Variants in PSMA6 observed in about 807,000 individuals in gnomAD.
PSMA6 encodes the protein proteasome 20S subunit alpha 6, also known as proteasome subunit alpha type-6.
For missense variants in PSMA6, 170 were observed against 294.8 expected, an observed-to-expected ratio of 0.58 and a Z score of 3.10; for synonymous variants, 88 against 97.7, an observed-to-expected ratio of 0.90 and a Z score of 0.59.
intron 5 of PSMA6, chr14:35,314,134 A>G (rs1349951722): frequency 7.2e-6 from 2 of 276,292 alleles, no homozygotes; most frequent in Non-Finnish European, 1.3e-5. Context: ...TTTTGTATAA[A>G]TCATCCTATT....
chr14:35,298,434 G>A (rs2138725127), intron 1 of PSMA6, among the ~76,000 whole-genome samples: 1 of 151,960 alleles, frequency 6.6e-6, no homozygotes, highest in African/African-American at 2.4e-5. Flanking sequence ...AGGTTGTAGT[G>A]AGCTGAGATC....
At chr14:35,291,823 CAAAAAAAAAA>C (rs113987343), upstream of PSMA6, among the ~76,000 whole-genome samples, 245 of 47,738 alleles carry the variant, frequency 5.1e-3, no homozygotes, top group Non-Finnish European at 8.9e-3. Context: ...AACTCTGTCT[CAAAAAAAAAA>C]AAAAAAAAAA....
At chr14:35,316,284 G>A (rs925244109) in intron 6 of PSMA6, 1 of 151,768 alleles carries the variant, frequency 6.6e-6, no homozygotes, top group African/African-American at 2.4e-5. Flanking sequence ...TGCTTGGGAG[G>A]CTGAGGCAGG....
intron 1 of PSMA6, among the ~76,000 whole-genome samples, chr14:35,305,593 G>A (rs112709252): frequency 4.6e-5 from 7 of 152,346 alleles, no homozygotes; most frequent in Admixed American, 2.0e-4. Flanking sequence ...TTAGCTGGTC[G>A]TCATCACCTG....
intron 1 of PSMA6, among the ~76,000 whole-genome samples, chr14:35,297,744 CTGT>C (rs1407220637): frequency 1.2e-4 from 19 of 152,278 alleles, no homozygotes; most frequent in African/African-American, 4.6e-4. Flanking sequence ...TATATCTCTG[CTGT>C]TGTTCTCACA....
chr14:35,311,939 A>T lies in PSMA6; in HGVS notation c.410-942A>T, dbSNP rs74043873. Among the ~76,000 whole-genome samples, 177 of 151,550 alleles carry T rather than the reference A, an allele frequency of 1.2e-3. 1 individual carries two copies. Among genetic ancestry groups the T allele is most frequent in the African/African-American group, 3.3e-3 (137 of 41,376 alleles). ...GAACCTTAATAGGTATTTCTATTTT[A>T]AAAAAAAAGTATTTCTTGGTCAAAC... On this transcript the variant is annotated intron_variant, in intron 4 of 6. Transcript: ENST00000261479.
chr14:35,304,837 C>T (rs2051793712), intron 1 of PSMA6, among the ~76,000 whole-genome samples: 2 of 152,078 alleles, frequency 1.3e-5, no homozygotes, highest in Admixed American at 6.6e-5. Flanking sequence ...ATCCCAGCTA[C>T]TCCAGAAGCC....
upstream of PSMA6, among the ~76,000 whole-genome samples, chr14:35,288,936 ATT>A (rs2051448604): frequency 3.3e-5 from 5 of 151,624 alleles, no homozygotes; most frequent in African/African-American, 1.2e-4. Flanking sequence ...ATTTGTAAAC[ATT>A]CTTAAAACAT....
rs560643990 is a variant in PSMA6, at chr14:35,296,945, T to C, written c.76+4393T>C. On this transcript the variant is annotated intron_variant, in intron 1 of 6. Coordinates refer to ENST00000261479, the MANE Select transcript of PSMA6 (RefSeq NM_002791.3). ...GTATTTTCAAACCTCATATTCCCCC[T>C]CTCTTTCCCCCTCCCCCAGTGCCAA... Among the ~76,000 whole-genome samples, 112 of 144,356 alleles carry C rather than the reference T, an allele frequency of 7.8e-4. 1 individual carries two copies. The highest frequency in any genetic ancestry group is 2.6e-3 in the African/African-American group (101 of 38,742). The allele number at this position is 144,356 out of a possible 152,430, so 94.7% of individuals were successfully genotyped here. A position where few individuals can be genotyped will look rare whatever the true frequency, so the allele number is the denominator to read the frequency against.
chr14:35,289,848 A>C (rs561831702), upstream of PSMA6, among the ~76,000 whole-genome samples: 37 of 142,612 alleles, frequency 2.6e-4, no homozygotes, highest in Middle Eastern at 7.4e-3. Context: ...ACTTGAGCGC[A>C]GGAGTTCAAG....
intron 1 of PSMA6, among the ~76,000 whole-genome samples, chr14:35,280,675 C>T (rs1364381892): frequency 6.6e-6 from 1 of 152,146 alleles, no homozygotes; most frequent in Non-Finnish European, 1.5e-5. Flanking sequence ...AGCCACCACA[C>T]CCAGCCTGGT....
At chr14:35,293,096 A>C (rs904307228) in intron 1 of PSMA6, 8 of 435,156 alleles carry the variant, frequency 1.8e-5, no homozygotes, top group Admixed American at 5.5e-5. Context: ...ACGTTAAACA[A>C]ACGGATAAAA....
chr14:35,307,868 C>A, intron 1 of PSMA6, 126 bp from the exon 2 acceptor site: 1 of 772,804 alleles, frequency 1.3e-6, no homozygotes. Context: ...CTTTGCACAT[C>A]CTGGAATGCT....
chr14:35,304,755 G>A (rs2051791321), intron 1 of PSMA6, among the ~76,000 whole-genome samples: 1 of 151,562 alleles, frequency 6.6e-6, no homozygotes, highest in Non-Finnish European at 1.5e-5. Flanking sequence ...TATTTGTAGT[G>A]TAATGGGATG....
chr14:35,292,326 G>C (rs2051496991), upstream of PSMA6: 2 of 1,475,466 alleles, frequency 1.4e-6, no homozygotes, highest in Non-Finnish European at 1.8e-6. Context: ...TGCTCGAACT[G>C]GCTCCAGAGC....
chr14:35,312,551 T>C (rs2051965686), intron 4 of PSMA6, among the ~76,000 whole-genome samples: 1 of 151,628 alleles, frequency 6.6e-6, no homozygotes, highest in Non-Finnish European at 1.5e-5. Flanking sequence ...GAAGTTTATT[T>C]GACCAGGCAA....
chr14:35,292,490 C>G lies in PSMA6; in HGVS notation c.14C>G (p.Ser5Cys), dbSNP rs2051503867. 5 of 1,613,650 alleles carry G rather than the reference C, an allele frequency of 3.1e-6. No individual in the cohort carries two copies. Among genetic ancestry groups the G allele is most frequent in the African/African-American group, 1.3e-5 (1 of 74,912 alleles). Residue 5 changes from serine to cysteine, a missense_variant, in exon 1 of 7, where the codon TCC becomes TGC. By Grantham distance (112) the Ser-to-Cys change is moderately radical (BLOSUM62 -1). Transcript: ENST00000261479. Reference protein sequence around the residue: MSRGSSAGFDRHITI... With the variant: MSRGCSAGFDRHITI... ...GCTTCTACCAACATGTCCCGTGGTT[C>G]CAGCGCCGGTTTTGACCGCCACATT...
In PSMA6 at chr14:35,294,433, A is replaced by G. The variant is rs137947894; in HGVS notation, c.76+1881A>G. On this transcript the variant is annotated intron_variant, in intron 1 of 6. Transcript: ENST00000261479. Reference sequence around the variant, plus strand: ...AGGAAAATGAAAGTGAAAGAGTAGTATGAGCAAGCAGTATAGTGAAGAGTT... The same window carrying G: ...AGGAAAATGAAAGTGAAAGAGTAGTGTGAGCAAGCAGTATAGTGAAGAGTT... 2.2e-3 allele frequency among the ~76,000 whole-genome samples: 337 copies of G among 152,366 alleles called. 2 individuals carry two copies. Among genetic ancestry groups the G allele is most frequent in the African/African-American group, 7.7e-3 (320 of 41,588 alleles).
intron 1 of PSMA6, among the ~76,000 whole-genome samples, chr14:35,302,828 A>G (rs1379686905): frequency 6.6e-6 from 1 of 152,010 alleles, no homozygotes; most frequent in Non-Finnish European, 1.5e-5. Context: ...TTTACGTATT[A>G]TATTTTTCAG....
Sources: gnomAD v4.1 joint callset for allele counts (sites outside exome capture counted in the v4.1 genomes callset) on GRCh38, gnomAD v4.1.1 for gene constraint, MANE v1.5 for transcripts, NCBI Gene and HGNC (gene_info 2026-07-23, HGNC 2026-07-21) for gene names.